UPP2: variants seen among roughly 807,000 people sequenced by gnomAD.
The protein encoded by UPP2 is uridine phosphorylase 2.
In UPP2, 23 loss-of-function variants were observed where a neutral mutation model predicts 26.7. That is an observed-to-expected ratio of 0.86 (90% CI 0.62 to 1.22). The LOEUF (loss-of-function observed/expected upper bound fraction) is 1.22, where lower values mean the gene tolerates loss of function less well. UPP2 is among the 50% of genes most tolerant of loss of function. The pLI, the probability that UPP2 is intolerant of heterozygous loss-of-function variation, is 0.00. For synonymous variants in UPP2, 127 were observed against 141.3 expected, an observed-to-expected ratio of 0.90 and a Z score of 0.72; for missense variants, 387 against 396.7, an observed-to-expected ratio of 0.98 and a Z score of 0.21.
chr2:158,098,994 T>C (rs774457537), upstream of UPP2, among the ~76,000 whole-genome samples: 35 of 152,208 alleles, frequency 2.3e-4, no homozygotes, highest in Non-Finnish European at 4.4e-4. Flanking sequence ...TATTGGAAAA[T>C]AAACACTCAA....
Position 158,123,763 on chromosome 2 carries a change from G to C in UPP2, c.679G>C (p.Asp227His), listed in dbSNP as rs774534970. Residue 227 changes from aspartate to histidine, a missense_variant, in exon 6 of 7, where the codon GAT (aspartate) becomes CAT (histidine). Asp to His is a moderately conservative substitution (Grantham distance 81). Transcript: ENST00000005756. ...CTCCCTTTCAGGCCAAGGCCGACTA[G>C]ATGGAGCACTGTGCTCCTTTTCCAG... ...YDFYEGQGRLDGALCSFSREK... is the reference protein window; with the variant it reads ...YDFYEGQGRLHGALCSFSREK... 3 of 1,613,884 alleles carry C rather than the reference G, an allele frequency of 1.9e-6. No individual in the cohort carries two copies. The highest frequency in any genetic ancestry group is 2.5e-6 in the Non-Finnish European group (3 of 1,179,910).
chr2:157,995,242 T>C, exon 2 of UPP2: 1 of 1,613,706 alleles, frequency 6.2e-7, no homozygotes, highest in Non-Finnish European at 8.5e-7. Context: ...CAAGAAGTGG[T>C]GAGGACAAGG....
chr2:158,085,845 A>G (rs1682806733), intron 3 of UPP2, among the ~76,000 whole-genome samples: 1 of 152,026 alleles, frequency 6.6e-6, no homozygotes, highest in Non-Finnish European at 1.5e-5. Context: ...CATCCCTGGT[A>G]TGAAACCCAC....
chr2:158,117,304 A>G (rs1683460191), intron 3 of UPP2, among the ~76,000 whole-genome samples: 1 of 152,038 alleles, frequency 6.6e-6, no homozygotes, highest in Non-Finnish European at 1.5e-5. Flanking sequence ...TAAGTTTAAA[A>G]TTGTTAAGTG....
At chr2:158,092,985 A>T (rs1341990883) in intron 3 of UPP2, among the ~76,000 whole-genome samples, 2 of 152,032 alleles carry the variant, frequency 1.3e-5, no homozygotes, top group Non-Finnish European at 2.9e-5. Context: ...CAGTGGCATG[A>T]TCTCGGCTCA....
intron 3 of UPP2, among the ~76,000 whole-genome samples, chr2:158,086,029 G>A (rs1031649997): frequency 3.3e-5 from 5 of 151,966 alleles, no homozygotes. Flanking sequence ...AATGATTTGG[G>A]GAGGATTCCC....
upstream of UPP2, among the ~76,000 whole-genome samples, chr2:158,098,484 G>A (rs182593671): frequency 1.7e-3 from 262 of 152,258 alleles, no homozygotes; most frequent in African/African-American, 3.7e-3. Flanking sequence ...CTCAGTGAGC[G>A]CATTCAAGGA....
intron 6 of UPP2, among the ~76,000 whole-genome samples, chr2:158,124,276 A>T (rs976183974): frequency 6.6e-6 from 1 of 152,314 alleles, no homozygotes; most frequent in African/African-American, 2.4e-5. Context: ...TCAGGGAAGG[A>T]TGGGAGAAGA....
chr2:158,092,141 G>A, intron 3 of UPP2, among the ~76,000 whole-genome samples: 1 of 152,058 alleles, frequency 6.6e-6, no homozygotes, highest in East Asian at 1.9e-4. Flanking sequence ...AAACTGAGGT[G>A]GCCTAACATA....
intron 3 of UPP2, among the ~76,000 whole-genome samples, chr2:158,091,011 T>C (rs1682903365): frequency 6.6e-6 from 1 of 152,236 alleles, no homozygotes; most frequent in African/African-American, 2.4e-5. Context: ...CAAAGAAAGT[T>C]TGTCTCTGTG....
At chr2:158,105,652 G>A (rs1683177125) in intron 1 of UPP2, among the ~76,000 whole-genome samples, 1 of 152,196 alleles carries the variant, frequency 6.6e-6, no homozygotes, top group African/African-American at 2.4e-5. Flanking sequence ...GGTTGAACTT[G>A]TACTGGAACC....
intron 3 of UPP2, among the ~76,000 whole-genome samples, chr2:158,081,253 C>CA (rs1254988084): frequency 1.3e-5 from 2 of 152,148 alleles, no homozygotes; most frequent in Admixed American, 1.3e-4. Context: ...TAATGCTTAA[C>CA]AAAAATTAAG....
At position 158,035,888 on chromosome 2, in the gene UPP2, TG is replaced by T. The variant is rs781206891; in HGVS notation, c.147+20004del. Among the ~76,000 whole-genome samples, 10 of 152,366 alleles carry T rather than the reference TG, an allele frequency of 6.6e-5. No homozygotes were observed. In the East Asian group the frequency reaches 7.7e-4, roughly 12 times the overall value. ...AACAGCTGTCATCCTTACAAGCTAC[TG>T]GAATAGGGGATTTCTAGGAAGTTGA... On this transcript the variant is annotated intron_variant, in intron 3 of 9. Transcript: ENST00000605860.
chr2:158,119,415 A>T (rs2105225719), intron 4 of UPP2, among the ~76,000 whole-genome samples: 1 of 152,150 alleles, frequency 6.6e-6, no homozygotes, highest in Middle Eastern at 3.4e-3. Context: ...GCTTACCAAA[A>T]AGATGTATTT....
chr2:158,060,123 C>A (rs957631251), intron 3 of UPP2, among the ~76,000 whole-genome samples: 1 of 152,062 alleles, frequency 6.6e-6, no homozygotes, highest in Non-Finnish European at 1.5e-5. Context: ...CACACAGGCA[C>A]TCTTCCCATG....
intron 5 of UPP2, among the ~76,000 whole-genome samples, chr2:158,123,486 C>T (rs905994397): frequency 5.3e-5 from 8 of 152,200 alleles, no homozygotes; most frequent in African/African-American, 1.7e-4. Context: ...CTGGCTGCTG[C>T]AGCCACTCAA....
intron 2 of UPP2, among the ~76,000 whole-genome samples, chr2:158,109,384 C>T (rs1683264254): frequency 6.6e-6 from 1 of 152,178 alleles, no homozygotes; most frequent in South Asian, 2.1e-4. Flanking sequence ...AAGTTTACTT[C>T]TCACTCACAT....
intron 3 of UPP2, among the ~76,000 whole-genome samples, chr2:158,035,204 C>T (rs1178884629): frequency 6.6e-6 from 1 of 150,544 alleles, no homozygotes. Flanking sequence ...GTCGCCCAGG[C>T]TGGAGTGCAG....
chr2:158,095,993 T>C (rs1292623203), intron 3 of UPP2, among the ~76,000 whole-genome samples: 2 of 152,128 alleles, frequency 1.3e-5, no homozygotes, highest in Non-Finnish European at 2.9e-5. Flanking sequence ...AACAGAAACA[T>C]CCTAAAAATT....
Sources: allele counts gnomAD v4.1 joint callset (sites outside exome capture counted in the v4.1 genomes callset), GRCh38; gene constraint gnomAD v4.1.1; transcripts MANE v1.5; gene names NCBI Gene and HGNC (gene_info 2026-07-23, HGNC 2026-07-21).